The following CSGALNACT1 variants were observed in gnomAD, a reference collection of about 807,000 sequenced individuals.
CSGALNACT1 encodes the protein beta4GalNAcT-1.
Under a neutral mutation model 51.0 loss-of-function variants are expected in CSGALNACT1, and 52 were observed. That is an observed-to-expected ratio of 1.02 (90% CI 0.82 to 1.29). CSGALNACT1 has a LOEUF of 1.29. Among genes scored for constraint, CSGALNACT1 ranks in the 50% most tolerant of loss-of-function variants. The pLI is 0.00. For synonymous variants in CSGALNACT1, 341 were observed against 254.4 expected, an observed-to-expected ratio of 1.34 and a Z score of -3.24; for missense variants, 935 against 679.2, an observed-to-expected ratio of 1.38 and a Z score of -4.19.
At chr8:19,538,250 G>A (rs7835710) in intron 3 of CSGALNACT1, among the ~76,000 whole-genome samples, 3,580 of 152,250 alleles carry the variant, frequency 0.024, 151 homozygotes, top group African/African-American at 0.082. Context: ...AAGATTGCTT[G>A]AGCCTAGGAG....
chr8:19,523,130 C>T (rs184421682), intron 3 of CSGALNACT1, among the ~76,000 whole-genome samples: 232 of 152,314 alleles, frequency 1.5e-3, no homozygotes, highest in Non-Finnish European at 1.7e-3. Flanking sequence ...TTCCATCTCA[C>T]GTAACAGTGA....
At chr8:19,454,355 G>C (rs1040862152) in intron 5 of CSGALNACT1, among the ~76,000 whole-genome samples, 1 of 152,190 alleles carries the variant, frequency 6.6e-6, no homozygotes, top group Non-Finnish European at 1.5e-5. Context: ...GAATGTAAAG[G>C]TTGTAACCCT....
intron 4 of CSGALNACT1, among the ~76,000 whole-genome samples, chr8:19,485,161 G>C (rs769019846): frequency 6.6e-6 from 1 of 152,080 alleles, no homozygotes; most frequent in African/African-American, 2.4e-5. Context: ...TGTGTCTTCT[G>C]TAAGTGTATT....
chr8:19,534,599 G>T (rs1346843735), intron 3 of CSGALNACT1, among the ~76,000 whole-genome samples: 1 of 152,118 alleles, frequency 6.6e-6, no homozygotes, highest in Non-Finnish European at 1.5e-5. Flanking sequence ...CATTCAGCCA[G>T]GGGCCAGGGA....
At chr8:19,688,646 A>T (rs1266323787) in intron 1 of CSGALNACT1, 1 of 152,218 alleles carries the variant, frequency 6.6e-6, no homozygotes, top group Non-Finnish European at 1.5e-5. Context: ...TTTTAAAAAA[A>T]GAAAAAGCTG....
In CSGALNACT1 at chr8:19,738,183, C is replaced by CACT. The variant is rs2064101818; in HGVS notation, c.-297+19664_-297+19666dup. On this transcript the variant is annotated intron_variant, in intron 1 of 1. Transcript: ENST00000517494. ...TCGAGGCTGCAGTGAGCTATGATCA[C>CACT]ACTACTGTACTCCTGAGTGACAGAG... Among the ~76,000 whole-genome samples the CACT allele has an allele frequency of 3.9e-5, 6 of 152,310 alleles. No individual in the cohort carries two copies. In the South Asian group the frequency reaches 1.2e-3, roughly 32 times the overall value.
upstream of CSGALNACT1, among the ~76,000 whole-genome samples, chr8:19,686,834 G>A (rs539949258): frequency 4.6e-5 from 7 of 152,268 alleles, no homozygotes; most frequent in African/African-American, 7.2e-5. Context: ...AACAGGTGAC[G>A]TCACAGAGTC....
At chr8:19,457,207 T>G (rs1046656148) in intron 5 of CSGALNACT1, among the ~76,000 whole-genome samples, 1 of 152,214 alleles carries the variant, frequency 6.6e-6, no homozygotes, top group Non-Finnish European at 1.5e-5. Flanking sequence ...TAGTTATAAG[T>G]GGGTTATCCT....
At chr8:19,483,752 C>G (rs955274086) in intron 4 of CSGALNACT1, among the ~76,000 whole-genome samples, 2 of 152,192 alleles carry the variant, frequency 1.3e-5, no homozygotes, top group African/African-American at 4.8e-5. Flanking sequence ...GGGAAACTCT[C>G]ATTTCTTCAT....
chr8:19,682,556 T>C (rs998976948), exon 1 of CSGALNACT1: 1 of 446,324 alleles, frequency 2.2e-6, no homozygotes. Flanking sequence ...CTGTCAGTAC[T>C]CTACTCCCAG....
chr8:19,496,169 AG>A (rs1468349308), intron 4 of CSGALNACT1, among the ~76,000 whole-genome samples: 1 of 152,208 alleles, frequency 6.6e-6, no homozygotes, highest in Non-Finnish European at 1.5e-5. Context: ...AAGAAATCCA[AG>A]GGCCCAACAC....
At chr8:19,431,086 T>A (rs1270339037) in intron 6 of CSGALNACT1, among the ~76,000 whole-genome samples, 1 of 152,160 alleles carries the variant, frequency 6.6e-6, no homozygotes, top group African/African-American at 2.4e-5. Flanking sequence ...GGATTCCTTG[T>A]AATTTTCTAT....
At chr8:19,700,783 A>C (rs1408111765) in intron 1 of CSGALNACT1, among the ~76,000 whole-genome samples, 1 of 152,206 alleles carries the variant, frequency 6.6e-6, no homozygotes, top group Non-Finnish European at 1.5e-5. Context: ...CCTCTATAAA[A>C]TTCTTTGAAA....
At chr8:19,429,869 C>T (rs146138706) in intron 6 of CSGALNACT1, among the ~76,000 whole-genome samples, 171 of 152,348 alleles carry the variant, frequency 1.1e-3, no homozygotes, top group Middle Eastern at 3.4e-3. Flanking sequence ...TCCAATTTCT[C>T]TGCCTCCTCA....
chr8:19,549,994 T>C (rs1185678699), intron 3 of CSGALNACT1, among the ~76,000 whole-genome samples: 1 of 152,164 alleles, frequency 6.6e-6, no homozygotes, highest in African/African-American at 2.4e-5. Flanking sequence ...CAGACTTCAA[T>C]AGATGTGTCC....
At chr8:19,548,587 T>C (rs1403144288) in intron 3 of CSGALNACT1, among the ~76,000 whole-genome samples, 1 of 152,206 alleles carries the variant, frequency 6.6e-6, no homozygotes, top group Non-Finnish European at 1.5e-5. Flanking sequence ...TTTTGTGAAA[T>C]ATGTTAAAAT....
At chr8:19,584,156 C>T (rs951907920) in intron 3 of CSGALNACT1, among the ~76,000 whole-genome samples, 4 of 152,198 alleles carry the variant, frequency 2.6e-5, no homozygotes, top group Admixed American at 6.5e-5. Flanking sequence ...TTTGAAAGAT[C>T]ACCTACCTCT....
chr8:19,659,692 C>G (rs2058599515), intron 1 of CSGALNACT1, among the ~76,000 whole-genome samples: 1 of 152,218 alleles, frequency 6.6e-6, no homozygotes, highest in South Asian at 2.1e-4. Flanking sequence ...TCCCATGAAT[C>G]TCTGCCTACA....
chr8:19,542,052 C>A (rs1031331856), intron 3 of CSGALNACT1, among the ~76,000 whole-genome samples: 1 of 152,116 alleles, frequency 6.6e-6, no homozygotes, highest in African/African-American at 2.4e-5. Flanking sequence ...AAAAAATATT[C>A]TCTAACCAAG....
Sources: allele counts gnomAD v4.1 joint callset (sites outside exome capture counted in the v4.1 genomes callset), GRCh38; gene constraint gnomAD v4.1.1; transcripts MANE v1.5; gene names NCBI Gene and HGNC (gene_info 2026-07-23, HGNC 2026-07-21).